NPSR1: variants seen among roughly 807,000 people sequenced by gnomAD.
NPSR1 encodes neuropeptide S receptor.
NPSR1 carries 48 observed loss-of-function variants against 46.9 expected under a neutral mutation model. The observed-to-expected ratio is 1.02, with a 90% CI of 0.81 to 1.30. NPSR1 has a LOEUF of 1.30. Among genes scored for constraint, NPSR1 ranks in the 50% most tolerant of loss-of-function variants. NPSR1 has a pLI of 0.00. For synonymous variants in NPSR1, 176 were observed against 168.1 expected (o/e 1.05, Z -0.36); for missense variants, 450 against 449.5 (o/e 1.00, Z -0.01).
chr7:34,711,539 C>T (rs565688763), intron 2 of NPSR1: 9 of 151,858 alleles, frequency 5.9e-5, no homozygotes, highest in East Asian at 3.9e-4. Context: ...TGACTGCTTT[C>T]GATTTGAAAA....
intron 2 of NPSR1, chr7:34,711,060 G>A (rs1562669264): frequency 6.0e-6 from 2 of 335,876 alleles, no homozygotes; most frequent in East Asian, 1.5e-4. Context: ...AATGATGTGA[G>A]CCCAAAGGTC....
chr7:34,777,442 T>C (rs1354364397), intron 2 of NPSR1, among the ~76,000 whole-genome samples: 3 of 151,674 alleles, frequency 2.0e-5, no homozygotes, highest in African/African-American at 4.8e-5. Flanking sequence ...CTGCTGCCAT[T>C]GGTGGGGGAT....
At chr7:34,856,932 C>T (rs780492197) in intron 8 of NPSR1, among the ~76,000 whole-genome samples, 24 of 151,500 alleles carry the variant, frequency 1.6e-4, no homozygotes, top group Non-Finnish European at 3.1e-4. Context: ...TCTCTTCTAG[C>T]ATCTGCTGAT....
In NPSR1 at chr7:34,825,787, C is replaced by A. The variant is rs920242947; in HGVS notation, c.479-1614C>A. ...GATGACAGCAGCAGTCAAGCAAGAACTCTGTCTTCTTCCTCCTCCTGGTTC... is the reference window on the plus strand; with the variant it reads ...GATGACAGCAGCAGTCAAGCAAGAAATCTGTCTTCTTCCTCCTCCTGGTTC... On this transcript the variant is annotated intron_variant, in intron 4 of 8. Transcript: ENST00000360581. 2.0e-5 allele frequency among the ~76,000 whole-genome samples: 3 copies of A among 152,136 alleles called. No homozygotes were observed. The East Asian group carries it at 5.8e-4, about 29-fold the overall frequency.
rs908326009 is a variant in NPSR1, at chr7:34,708,096, A to G, written c.280+23412A>G. On this transcript the variant is annotated intron_variant, in intron 2 of 8. Transcript: ENST00000360581. Reference sequence around the variant, plus strand: ...TCTTCATTATCTCTTTAAAGTCCCTATCTCTAAGCATGTCACATTGTGAAG... The same window carrying G: ...TCTTCATTATCTCTTTAAAGTCCCTGTCTCTAAGCATGTCACATTGTGAAG... 2.0e-5 allele frequency among the ~76,000 whole-genome samples: 3 copies of G among 152,142 alleles called. No individual in the cohort carries two copies. The South Asian group carries it at 6.2e-4, about 32-fold the overall frequency.
downstream of NPSR1, among the ~76,000 whole-genome samples, chr7:34,854,431 A>G (rs1458921966): frequency 6.6e-6 from 1 of 152,212 alleles, no homozygotes; most frequent in African/African-American, 2.4e-5. Flanking sequence ...TGCCTAAAAC[A>G]CAAGGATACA....
chr7:34,850,188 G>T (rs755523219), downstream of NPSR1, among the ~76,000 whole-genome samples: 6 of 152,162 alleles, frequency 3.9e-5, no homozygotes, highest in Non-Finnish European at 1.5e-5. Context: ...AGATAGCCTC[G>T]GTTTGCAGAT....
chr7:34,751,826 G>A (rs1317847694), intron 2 of NPSR1: 14 of 1,587,346 alleles, frequency 8.8e-6, no homozygotes, highest in Admixed American at 3.3e-5. Context: ...TCTGCCAGTT[G>A]GTAAATGAGG....
At chr7:34,736,516 T>C (rs2530531) in intron 2 of NPSR1, among the ~76,000 whole-genome samples, 83,617 of 151,964 alleles carry the variant, frequency 0.55, 23,381 homozygotes, top group African/African-American at 0.63. Flanking sequence ...GTACCCACAC[T>C]GGCGAACAAA....
Position 34,686,718 on chromosome 7 carries a change from G to A in NPSR1, c.280+2034G>A, listed in dbSNP as rs112254781. ...GCGGTTGTTTCATGCTGTCCCTAACGAGGCACTCAAAGCACCCTCCTTTCC... is the reference window on the plus strand; with the variant it reads ...GCGGTTGTTTCATGCTGTCCCTAACAAGGCACTCAAAGCACCCTCCTTTCC... On this transcript the variant is annotated intron_variant, in intron 2 of 8. Coordinates refer to ENST00000360581, the MANE Select transcript of NPSR1 (RefSeq NM_207172.2). 3.4e-4 allele frequency among the ~76,000 whole-genome samples: 51 copies of A among 151,636 alleles called. No homozygotes were observed. In the South Asian group the frequency reaches 7.9e-3, roughly 24 times the overall value.
At chr7:34,739,844 T>A (rs1314802477) in intron 2 of NPSR1, among the ~76,000 whole-genome samples, 1 of 152,138 alleles carries the variant, frequency 6.6e-6, no homozygotes. Flanking sequence ...AAGTTCCTTA[T>A]TTTTGGTTGT....
At chr7:34,687,996 T>G (rs144844207) in intron 2 of NPSR1, among the ~76,000 whole-genome samples, 24 of 152,312 alleles carry the variant, frequency 1.6e-4, no homozygotes, top group African/African-American at 5.1e-4. Context: ...TTCACTGGAC[T>G]GATGGGGCAA....
At chr7:34,676,133 G>A (rs1302518344) in intron 1 of NPSR1, among the ~76,000 whole-genome samples, 1 of 152,150 alleles carries the variant, frequency 6.6e-6, no homozygotes. Context: ...AAGGCAGTGA[G>A]TTAGTTATCA....
intron 2 of NPSR1, among the ~76,000 whole-genome samples, chr7:34,706,565 ATTCTTCCT>A (rs1166661180): frequency 6.6e-6 from 1 of 152,054 alleles, no homozygotes; most frequent in Non-Finnish European, 1.5e-5. Context: ...GTTTTAAAAC[ATTCTTCCT>A]TTGTATTATC....
intron 8 of NPSR1, 131 bp from the exon 9 acceptor site, chr7:34,849,434 A>T: frequency 1.3e-6 from 2 of 1,587,188 alleles, no homozygotes; most frequent in South Asian, 1.1e-5. Context: ...TCAGGGTATT[A>T]CATGTAAAGT....
chr7:34,715,328 G>T (rs1783508122), intron 2 of NPSR1, among the ~76,000 whole-genome samples: 1 of 152,204 alleles, frequency 6.6e-6, no homozygotes, highest in South Asian at 2.1e-4. Flanking sequence ...CCAAAGAAAT[G>T]CTCTTTTTGA....
intron 2 of NPSR1, among the ~76,000 whole-genome samples, chr7:34,689,621 A>AAG (rs1793135686): frequency 1.8e-5 from 2 of 113,840 alleles, no homozygotes; most frequent in African/African-American, 8.8e-5. Flanking sequence ...AAAAAAAAAA[A>AAG]AAAAAAAAAA....
chr7:34,774,295 G>A (rs192491558), intron 2 of NPSR1, among the ~76,000 whole-genome samples: 1 of 152,310 alleles, frequency 6.6e-6, no homozygotes, highest in East Asian at 1.9e-4. Context: ...ATAGCCATAA[G>A]TGTGAGCTAT....
intron 2 of NPSR1, among the ~76,000 whole-genome samples, chr7:34,687,184 G>C (rs1310138536): frequency 6.7e-6 from 1 of 149,682 alleles, no homozygotes; most frequent in Non-Finnish European, 1.5e-5. Flanking sequence ...AAAGGAAGTT[G>C]CTCCCTAAAA....
Sources: allele counts gnomAD v4.1 joint callset (sites outside exome capture counted in the v4.1 genomes callset), GRCh38; gene constraint gnomAD v4.1.1; transcripts MANE v1.5; gene names NCBI Gene and HGNC (gene_info 2026-07-23, HGNC 2026-07-21).